The following HMGCLL1 variants were observed in gnomAD, a reference collection of about 807,000 sequenced individuals.
HMGCLL1 encodes the protein 3-hydroxy-3-methylglutaryl-CoA lyase like 1.
HMGCLL1 carries 36 observed loss-of-function variants against 39.1 expected under a neutral mutation model. The observed-to-expected ratio is 0.92, with a 90% CI of 0.71 to 1.22. The LOEUF is 1.22. Among genes scored for constraint, HMGCLL1 ranks in the 50% most tolerant of loss-of-function variants. The pLI, the probability that HMGCLL1 is intolerant of heterozygous loss-of-function variation, is 0.00. For synonymous variants in HMGCLL1, 149 were observed against 144.0 expected (o/e 1.03, Z -0.25); for missense variants, 451 against 416.5 (o/e 1.08, Z -0.72).
the HMGCLL1 span, among the ~76,000 whole-genome samples, chr6:55,652,718 A>T: frequency 1.3e-5 from 2 of 152,196 alleles, no homozygotes; most frequent in African/African-American, 4.8e-5. Context: ...GGCCTTCACA[A>T]GTCACATGCA....
the HMGCLL1 span, among the ~76,000 whole-genome samples, chr6:55,634,439 G>A: frequency 6.6e-6 from 1 of 151,984 alleles, no homozygotes; most frequent in African/African-American, 2.4e-5. Context: ...CTTTCTTCAA[G>A]GCGACTACTG....
At chr6:55,534,619 C>A (rs1218379525) in intron 3 of HMGCLL1, among the ~76,000 whole-genome samples, 1 of 152,142 alleles carries the variant, frequency 6.6e-6, no homozygotes, top group Non-Finnish European at 1.5e-5. Flanking sequence ...AGCAAGCCTG[C>A]AGCTGCCCAA....
chr6:55,542,006 A>T (rs574784760), intron 2 of HMGCLL1, 54 bp downstream of exon 2: 2 of 1,196,314 alleles, frequency 1.7e-6, no homozygotes, highest in Non-Finnish European at 2.4e-6. Flanking sequence ...AATCTTTACA[A>T]TCTTAAATTT....
the HMGCLL1 span, among the ~76,000 whole-genome samples, chr6:55,655,799 G>C: frequency 6.6e-6 from 1 of 151,844 alleles, no homozygotes; most frequent in South Asian, 2.1e-4. Flanking sequence ...TGTTATCTTA[G>C]ATGACCTCAT....
chr6:55,596,424 T>C, the HMGCLL1 span, among the ~76,000 whole-genome samples: 2 of 152,320 alleles, frequency 1.3e-5, no homozygotes, highest in South Asian at 4.1e-4. Context: ...CTTAGACAAA[T>C]TGCAATTGTA....
intron 7 of HMGCLL1, among the ~76,000 whole-genome samples, chr6:55,460,505 T>C (rs192261143): frequency 1.5e-3 from 229 of 152,024 alleles, no homozygotes; most frequent in African/African-American, 5.2e-3. Context: ...AAAAAGCGTA[T>C]GTTTATTATG....
chr6:55,659,651 T>C, the HMGCLL1 span, among the ~76,000 whole-genome samples: 2 of 151,904 alleles, frequency 1.3e-5, no homozygotes, highest in African/African-American at 4.8e-5. Flanking sequence ...ACTGGCTTAA[T>C]TATATGTTTA....
chr6:55,440,255 T>A (rs1763536658), intron 7 of HMGCLL1, among the ~76,000 whole-genome samples: 1 of 152,104 alleles, frequency 6.6e-6, no homozygotes, highest in Non-Finnish European at 1.5e-5. Flanking sequence ...CCAAAATCCA[T>A]GAAGTAGATA....
chr6:55,436,150 G>GA (rs1236718287), intron 8 of HMGCLL1, among the ~76,000 whole-genome samples: 8 of 150,768 alleles, frequency 5.3e-5, no homozygotes, highest in African/African-American at 1.2e-4. Flanking sequence ...AACTGACTTA[G>GA]AAAAAAAACT....
intron 7 of HMGCLL1, among the ~76,000 whole-genome samples, chr6:55,487,489 T>C (rs4441954): frequency 0.68 from 103,126 of 151,626 alleles, 35,074 homozygotes; most frequent in Non-Finnish European, 0.7. Context: ...ATGTTCCCCT[T>C]CCTGTGTCCA....
upstream of HMGCLL1, among the ~76,000 whole-genome samples, chr6:55,581,460 G>A (rs1470189744): frequency 1.3e-5 from 2 of 152,192 alleles, no homozygotes; most frequent in Middle Eastern, 3.4e-3. Context: ...TAAAATAGAT[G>A]TGATTTTACT....
At chr6:55,449,515 C>G (rs1029652479) in intron 7 of HMGCLL1, among the ~76,000 whole-genome samples, 1 of 152,140 alleles carries the variant, frequency 6.6e-6, no homozygotes, top group Non-Finnish European at 1.5e-5. Context: ...GTGTTGGAGT[C>G]ATTATTCATT....
intron 7 of HMGCLL1, among the ~76,000 whole-genome samples, chr6:55,440,016 T>G (rs1460613156): frequency 2.0e-5 from 3 of 152,166 alleles, no homozygotes; most frequent in Admixed American, 1.3e-4. Context: ...GAGAAGTCAC[T>G]GGGTTTGAAA....
chr6:55,597,339 A>C, the HMGCLL1 span, among the ~76,000 whole-genome samples: 1 of 152,118 alleles, frequency 6.6e-6, no homozygotes, highest in Non-Finnish European at 1.5e-5. Context: ...AGAGTGCTAA[A>C]GCATATTGAA....
intron 7 of HMGCLL1, among the ~76,000 whole-genome samples, chr6:55,485,791 T>G (rs1022120421): frequency 2.1e-4 from 32 of 152,038 alleles, no homozygotes; most frequent in Middle Eastern, 3.4e-3. Context: ...TAATATAATC[T>G]ACAAGTGAGG....
the HMGCLL1 span, among the ~76,000 whole-genome samples, chr6:55,594,188 A>T: frequency 6.6e-6 from 1 of 152,196 alleles, no homozygotes; most frequent in African/African-American, 2.4e-5. Context: ...AAAAAATTTG[A>T]ATCTAATGAT....
chr6:55,477,273 A>C (rs1561904647), intron 7 of HMGCLL1, among the ~76,000 whole-genome samples: 3 of 18,300 alleles, frequency 1.6e-4, no homozygotes, highest in African/African-American at 1.0e-3. Context: ...TATATAATAT[A>C]TATTATATAT....
rs1324765337 is a variant in HMGCLL1 at position 55,543,159 on chromosome 6, A to ATATAT, written c.109-1024_109-1020dup. ...TGATATATTATATATTATATATATT[A>ATATAT]TATATATAATATATAATATATAATA... On this transcript the variant is annotated intron_variant, in intron 1 of 8. Transcript: ENST00000274901. Among the ~76,000 whole-genome samples, 8 of 5,846 alleles carry ATATAT rather than the reference A, an allele frequency of 1.4e-3. 3 individuals carry two copies. The South Asian group carries it at 0.061, about 44-fold the overall frequency. 3.8% of individuals were successfully genotyped at this position (5,846 alleles called of 152,430 possible).
chr6:55,489,573 T>C (rs1766209778), intron 7 of HMGCLL1, among the ~76,000 whole-genome samples: 1 of 152,028 alleles, frequency 6.6e-6, no homozygotes, highest in Non-Finnish European at 1.5e-5. Context: ...CATTTTAAAA[T>C]TAAGAATATT....
Sources: gnomAD v4.1 joint callset for allele counts (sites outside exome capture counted in the v4.1 genomes callset) on GRCh38, gnomAD v4.1.1 for gene constraint, MANE v1.5 for transcripts, NCBI Gene and HGNC (gene_info 2026-07-23, HGNC 2026-07-21) for gene names.